MCM3AP: variants seen among roughly 807,000 people sequenced by gnomAD.
The protein encoded by MCM3AP is germinal-center associated nuclear protein.
MCM3AP carries 126 observed loss-of-function variants against 184.1 expected under a neutral mutation model. That is an observed-to-expected ratio of 0.68 (90% CI 0.59 to 0.79). The LOEUF is 0.79. MCM3AP is among the 30% of genes least tolerant of loss of function. The pLI is 0.00. For missense variants in MCM3AP, 2,496 were observed against 2,479.2 expected, an observed-to-expected ratio of 1.01 and a Z score of -0.14; for synonymous variants, 1,002 against 979.3, an observed-to-expected ratio of 1.02 and a Z score of -0.43.
At chr21:46,251,962 C>T (rs569883964) in intron 19 of MCM3AP, 41 of 240,704 alleles carry the variant, frequency 1.7e-4, no homozygotes, top group Non-Finnish European at 2.6e-4. Context: ...CTTGGCTCAC[C>T]GCAGCAAGCA....
chr21:46,277,476 A>C, intron 5 of MCM3AP, 51 bp downstream of exon 5: 1 of 1,435,510 alleles, frequency 7.0e-7, no homozygotes, highest in Non-Finnish European at 9.3e-7. Flanking sequence ...GATGGCACCC[A>C]AGATGACGAC....
intron 1 of MCM3AP, 98 bp downstream of exon 1, chr21:46,283,970 A>T: frequency 6.5e-7 from 1 of 1,541,970 alleles, no homozygotes; most frequent in Non-Finnish European, 8.7e-7. Flanking sequence ...CCTAATGTTT[A>T]TGGGAGATTT....
chr21:46,251,540 C>CG lies in MCM3AP; in HGVS notation c.4278dup (p.Val1427ArgfsTer12). 1 of 1,609,160 alleles carries CG rather than the reference C, an allele frequency of 6.2e-7. No individual in the cohort carries two copies. Among genetic ancestry groups the CG allele is most frequent in the Non-Finnish European group, 8.5e-7 (1 of 1,176,162 alleles). ...TAATTATAGTTCACCTTTATACACA[C>CG]GTTAACAGAAATCATCTGATCCCCT... is the stretch of plus-strand genomic sequence containing the variant. On this transcript the variant is annotated frameshift_variant, in exon 20 of 28. Coordinates refer to ENST00000291688, the MANE Select transcript of MCM3AP (RefSeq NM_003906.5). LOFTEE classifies it high-confidence loss of function.
intron 5 of MCM3AP, 113 bp from the exon 6 acceptor site, chr21:46,275,438 T>A: frequency 1.1e-6 from 1 of 881,856 alleles, no homozygotes; most frequent in Non-Finnish European, 1.7e-6. Context: ...ACACACACAT[T>A]ACAAAAGAAA....
intron 2 of MCM3AP, among the ~76,000 whole-genome samples, chr21:46,280,933 C>T (rs1815857): frequency 0.97 from 148,269 of 152,140 alleles, 72,630 homozygotes; most frequent in African/African-American, 1. Flanking sequence ...GCCTCCTGAG[C>T]AGCTGGGACT....
chr21:46,253,808 C>G (rs2080908505), intron 19 of MCM3AP: 1 of 155,898 alleles, frequency 6.4e-6, no homozygotes, highest in African/African-American at 2.4e-5. Context: ...GAAACTCCCC[C>G]TTGCTGTTCT....
intron 22 of MCM3AP, among the ~76,000 whole-genome samples, chr21:46,245,979 A>G (rs1411481811): frequency 6.6e-6 from 1 of 152,254 alleles, no homozygotes; most frequent in East Asian, 1.9e-4. Flanking sequence ...ATTTGCAGAT[A>G]GCAGGACTGT....
In MCM3AP at chr21:46,285,553, T is replaced by C. The variant is rs1601557207; in HGVS notation, c.-267A>G. 8 of 440,642 alleles carry C rather than the reference T, an allele frequency of 1.8e-5. No individual in the cohort carries two copies. In the South Asian group the frequency reaches 2.3e-4, roughly 13 times the overall value. The allele number at this position is 440,642 out of a possible 1,614,324, so 27.3% of individuals were successfully genotyped here. ...TAGGTTATTTTGTTGGAGGGTGGGG[T>C]AGAGAGTGGTACAAATAATTACTTT... On this transcript the variant is annotated 5_prime_UTR_variant, in exon 1 of 28. Coordinates refer to ENST00000291688, the MANE Select transcript of MCM3AP (RefSeq NM_003906.5).
Position 46,283,899 on chromosome 21 carries a change from A to G in MCM3AP, c.1220-61T>C, listed in dbSNP as rs541763839. The stretch of plus-strand genomic sequence containing the variant: ...ATGTTTCCAACAACAGGAGGCACCA[A>G]CTGTGTCGAAGCAGAGGAAATTTTC... On this transcript the variant is annotated intron_variant, in intron 1 of 27. Coordinates refer to ENST00000291688, the MANE Select transcript of MCM3AP (RefSeq NM_003906.5). 3.2e-6 allele frequency: 5 copies of G among 1,557,836 alleles called. No individual in the cohort carries two copies. In the South Asian group the frequency reaches 4.6e-5, roughly 14 times the overall value.
intron 2 of MCM3AP, among the ~76,000 whole-genome samples, chr21:46,282,499 T>C (rs1162261003): frequency 6.6e-6 from 1 of 152,132 alleles, no homozygotes; most frequent in Non-Finnish European, 1.5e-5. Context: ...CACTGCACCC[T>C]AGAAAGTATT....
Position 46,256,888 on chromosome 21 carries a change from G to C in MCM3AP, c.3833C>G (p.Ala1278Gly), listed in dbSNP as rs376354711. The change falls in exon 17 of 28, where the codon GCG becomes GGG. Residue 1278 changes from alanine (A) to glycine (G), a missense_variant. Around this residue, in one of 5 missense-constraint regions of MCM3AP, gnomAD observed 1,323 missense variants for 1,273.4 expected, o/e 1.04. Transcript: ENST00000291688. ...CCVDVSDRLR[A>G]LAPSAECPIA... Reference sequence around the variant, plus strand: ...GGGGCACTCTGCGCTGGGCGCCAGCGCCCTCAGCCGGTCGCTCACGTCCAC... The same window carrying C: ...GGGGCACTCTGCGCTGGGCGCCAGCCCCCTCAGCCGGTCGCTCACGTCCAC... 6.2e-7 allele frequency: 1 copy of C among 1,602,766 alleles called. No individual in the cohort carries two copies. Among genetic ancestry groups the C allele is most frequent in the Admixed American group, 1.7e-5 (1 of 58,156 alleles).
At chr21:46,251,844 C>T (rs1288475014) in intron 19 of MCM3AP, 162 bp from the exon 20 acceptor site, 24 of 449,858 alleles carry the variant, frequency 5.3e-5, no homozygotes, top group Non-Finnish European at 8.5e-5. Flanking sequence ...ACAAAACAGG[C>T]TGTTGTTTTA....
chr21:46,274,403 A>G (rs1324114900), intron 6 of MCM3AP, among the ~76,000 whole-genome samples: 1 of 152,252 alleles, frequency 6.6e-6, no homozygotes, highest in African/African-American at 2.4e-5. Flanking sequence ...AAACAATATT[A>G]CTAATAGAAC....
In MCM3AP at chr21:46,238,939, T is replaced by TG. The variant is rs2080598201; in HGVS notation, c.5633+1871dup. ...CAAGGAACACATAACAAGAGAAACA[T>TG]GGTTTGAAGATGAGAAAGACAAAGC... On this transcript the variant is annotated intron_variant, in intron 26 of 27. Coordinates refer to ENST00000291688, the MANE Select transcript of MCM3AP (RefSeq NM_003906.5). 2.0e-5 allele frequency among the ~76,000 whole-genome samples: 3 copies of TG among 152,062 alleles called. No individual in the cohort carries two copies. In the South Asian group the frequency reaches 6.2e-4, roughly 32 times the overall value.
At chr21:46,257,739 T>G (rs150589477) in intron 16 of MCM3AP, among the ~76,000 whole-genome samples, 2,338 of 151,388 alleles carry the variant, frequency 0.015, 25 homozygotes, top group Non-Finnish European at 0.026. Context: ...GCCAATATGG[T>G]GAAACCCCAT....
intron 9 of MCM3AP, chr21:46,267,708 T>C (rs1199647015): frequency 6.6e-6 from 1 of 152,138 alleles, no homozygotes; most frequent in Admixed American, 6.6e-5. Context: ...CTGGGCAACA[T>C]AGCTACATCC....
chr21:46,259,290 C>A, intron 15 of MCM3AP, 199 bp from the exon 16 acceptor site: 1 of 419,116 alleles, frequency 2.4e-6, no homozygotes, highest in Non-Finnish European at 4.2e-6. Flanking sequence ...CCTGTCTCTA[C>A]TAAAAATACA....
In MCM3AP at chr21:46,243,445, T is replaced by C. The variant is rs1345313275; in HGVS notation, c.5296+20A>G. 7.6e-6 allele frequency: 12 copies of C among 1,583,812 alleles called. No homozygotes were observed. The highest frequency in any genetic ancestry group is 4.6e-5 in the South Asian group (4 of 86,092). On this transcript the variant is annotated intron_variant, in intron 24 of 27. Transcript: ENST00000291688. The stretch of plus-strand genomic sequence containing the variant: ...AAAGTCTCGTGAGGAGCTGATCCCA[T>C]TGCATCAAGCTCTAATTACCTGATG...
At chr21:46,275,088 A>G (rs2081238984) in intron 6 of MCM3AP, 98 bp downstream of exon 6, 1 of 1,358,574 alleles carries the variant, frequency 7.4e-7, no homozygotes, top group African/African-American at 1.5e-5. Flanking sequence ...CAAATACCCA[A>G]CACTGTCTAA....
Sources: gnomAD v4.1 joint callset for allele counts (sites outside exome capture counted in the v4.1 genomes callset) on GRCh38, gnomAD v4.1.1 for gene constraint, gnomAD v4.1.1 regional missense constraint, MANE v1.5 for transcripts, NCBI Gene and HGNC (gene_info 2026-07-23, HGNC 2026-07-21) for gene names.